CELF2: variants seen among roughly 807,000 people sequenced by gnomAD.
CELF2 encodes the protein CUGBP Elav-like family member 2.
A neutral mutation model predicts 62.6 loss-of-function variants in CELF2; 8 were observed. That is an observed-to-expected ratio of 0.13 (90% CI 0.07 to 0.23). The LOEUF is 0.23. Ranked by LOEUF, CELF2 falls within the 10% of genes least tolerant of loss-of-function variation. CELF2 has a pLI of 1.00. For synonymous variants in CELF2, 258 were observed against 250.0 expected, an observed-to-expected ratio of 1.03 and a Z score of -0.30; for missense variants, 333 against 671.0, an observed-to-expected ratio of 0.50 and a Z score of 5.56.
At chr10:10,853,071 T>C (rs544157056) in intron 1 of CELF2, among the ~76,000 whole-genome samples, 1 of 152,266 alleles carries the variant, frequency 6.6e-6, no homozygotes, top group South Asian at 2.1e-4. Flanking sequence ...CTCCACCTCC[T>C]GGGTTTAAGT....
intron 1 of CELF2, among the ~76,000 whole-genome samples, chr10:11,133,112 G>A (rs1053879691): frequency 6.6e-6 from 1 of 152,142 alleles, no homozygotes; most frequent in Non-Finnish European, 1.5e-5. Flanking sequence ...TAGAACGCTA[G>A]CATCATTTCA....
intron 2 of CELF2, among the ~76,000 whole-genome samples, chr10:10,941,349 C>T (rs1312099986): frequency 1.3e-5 from 2 of 152,164 alleles, no homozygotes; most frequent in Non-Finnish European, 2.9e-5. Context: ...GGCAGGCCAG[C>T]TACAGAGGAG....
the CELF2 span, among the ~76,000 whole-genome samples, chr10:10,505,707 C>T: frequency 6.6e-6 from 1 of 152,278 alleles, no homozygotes; most frequent in Admixed American, 6.5e-5. Flanking sequence ...TGACTGAAGT[C>T]ATGAACTCAT....
chr10:10,662,696 CA>C, the CELF2 span, among the ~76,000 whole-genome samples: 38,444 of 147,228 alleles, frequency 0.26, 5,144 homozygotes, highest in South Asian at 0.46. Context: ...GCTAAATTGA[CA>C]AAAAAAAAAG....
intron 1 of CELF2, among the ~76,000 whole-genome samples, chr10:11,113,767 G>T (rs901250513): frequency 2.0e-5 from 3 of 152,104 alleles, no homozygotes; most frequent in Non-Finnish European, 4.4e-5. Context: ...CATGAGCTGG[G>T]GTCCTGCCTA....
At chr10:10,698,570 T>A in the CELF2 span, among the ~76,000 whole-genome samples, 1 of 152,230 alleles carries the variant, frequency 6.6e-6, no homozygotes, top group Admixed American at 6.5e-5. Context: ...ACCTACGTTC[T>A]CAGTAAACTG....
chr10:10,724,444 A>G, the CELF2 span, among the ~76,000 whole-genome samples: 1 of 152,138 alleles, frequency 6.6e-6, no homozygotes, highest in Non-Finnish European at 1.5e-5. Flanking sequence ...TCATGAGGTC[A>G]GGAGTTCAAG....
chr10:10,708,266 A>G, the CELF2 span, among the ~76,000 whole-genome samples: 2 of 152,206 alleles, frequency 1.3e-5, no homozygotes, highest in African/African-American at 2.4e-5. Flanking sequence ...CAGAACCAGA[A>G]GACACTCTGG....
intron 1 of CELF2, among the ~76,000 whole-genome samples, chr10:10,883,525 A>G (rs1392128304): frequency 6.6e-6 from 1 of 152,142 alleles, no homozygotes; most frequent in Non-Finnish European, 1.5e-5. Context: ...CCCAACAGTC[A>G]TCATGGATGC....
rs185718632 is a variant in CELF2, at chr10:11,250,030, A to C, written c.403+829A>C. Among the ~76,000 whole-genome samples, 453 of 152,346 alleles carry C rather than the reference A, an allele frequency of 3.0e-3. 1 individual carries two copies. The highest frequency in any genetic ancestry group is 5.5e-3 in the Non-Finnish European group (372 of 68,018). On this transcript the variant is annotated intron_variant, in intron 4 of 12. Coordinates refer to ENST00000633077, the MANE Select transcript of CELF2 (RefSeq NM_001326342.2). ...TTAATTAGTAATCAGGGCAGAAGCC[A>C]TGCACTTAGAGATCTACGTATCTGC...
chr10:10,700,870 TG>T, the CELF2 span, among the ~76,000 whole-genome samples: 3 of 152,238 alleles, frequency 2.0e-5, no homozygotes, highest in Non-Finnish European at 4.4e-5. Flanking sequence ...GGTGTCAGTT[TG>T]GTTGCTAGTT....
chr10:10,723,398 C>T, the CELF2 span, among the ~76,000 whole-genome samples: 1 of 152,182 alleles, frequency 6.6e-6, no homozygotes, highest in Non-Finnish European at 1.5e-5. Flanking sequence ...AAAACAGATG[C>T]ATCAACAGAG....
chr10:10,976,619 C>T (rs1037838822), intron 2 of CELF2, among the ~76,000 whole-genome samples: 24 of 152,224 alleles, frequency 1.6e-4, no homozygotes, highest in South Asian at 1.5e-3. Flanking sequence ...TTCTGATTCT[C>T]AGGTTCCTAA....
chr10:10,826,908 A>G (rs551010448), intron 1 of CELF2, among the ~76,000 whole-genome samples: 1 of 152,292 alleles, frequency 6.6e-6, no homozygotes, highest in Admixed American at 6.5e-5. Context: ...GGATGTCTTA[A>G]TGTACAAATG....
the CELF2 span, among the ~76,000 whole-genome samples, chr10:10,732,683 C>G: frequency 6.6e-6 from 1 of 152,152 alleles, no homozygotes; most frequent in Non-Finnish European, 1.5e-5. Flanking sequence ...ACCACCACGC[C>G]TGGCTAGTTT....
intron 1 of CELF2, among the ~76,000 whole-genome samples, chr10:10,899,411 C>T (rs1318924465): frequency 3.3e-5 from 5 of 152,116 alleles, no homozygotes; most frequent in African/African-American, 4.8e-5. Context: ...GGGATTAAAA[C>T]GATAATCATG....
the CELF2 span, among the ~76,000 whole-genome samples, chr10:10,467,425 T>C: frequency 6.6e-6 from 1 of 152,068 alleles, no homozygotes; most frequent in Admixed American, 6.6e-5. Context: ...CTGGGATCTG[T>C]ACCATGGATT....
chr10:11,220,228 T>C lies in CELF2; in HGVS notation c.354+2721T>C, dbSNP rs756765590. ...TTCGATTTAAAACAAGATCAAATAA[T>C]GCTAGGGTTTTTTCCGATGTAATTT... On this transcript the variant is annotated intron_variant, in intron 3 of 12. Coordinates refer to ENST00000633077, the MANE Select transcript of CELF2 (RefSeq NM_001326342.2). The surrounding 1 kb of genome is among the most constrained non-coding windows in gnomAD (Gnocchi z 4.4). Among the ~76,000 whole-genome samples the C allele has an allele frequency of 6.6e-6, 1 of 152,252 alleles. No homozygotes were observed. The highest frequency in any genetic ancestry group is 1.5e-5 in the Non-Finnish European group (1 of 68,048).
chr10:11,241,138 C>T (rs2073754253), intron 3 of CELF2, among the ~76,000 whole-genome samples: 1 of 152,208 alleles, frequency 6.6e-6, no homozygotes, highest in African/African-American at 2.4e-5. Flanking sequence ...CTAAAGGCTC[C>T]ATTCCACTTA....
Sources: gnomAD v4.1 joint callset for allele counts (sites outside exome capture counted in the v4.1 genomes callset) on GRCh38, gnomAD v4.1.1 for gene constraint, Gnocchi (gnomAD v3.1) non-coding constraint, MANE v1.5 for transcripts, NCBI Gene and HGNC (gene_info 2026-07-23, HGNC 2026-07-21) for gene names.